Variants in SFXN4 observed in about 807,000 individuals in gnomAD.
SFXN4 encodes sideroflexin-4.
In SFXN4, 48 loss-of-function variants were observed where a neutral mutation model predicts 54.6. The observed-to-expected ratio is 0.88, with a 90% CI of 0.70 to 1.12. The LOEUF (loss-of-function observed/expected upper bound fraction) is 1.12. Among genes scored for constraint, SFXN4 ranks in the 50% most tolerant of loss-of-function variants. The pLI, the probability that SFXN4 is intolerant of heterozygous loss-of-function variation, is 0.00. For synonymous variants in SFXN4, 130 were observed against 145.5 expected (o/e 0.89, Z 0.77); for missense variants, 383 against 409.2 (o/e 0.94, Z 0.55).
Position 119,141,320 on chromosome 10 carries a change from C to G in SFXN4, c.937-1G>C. 1 of 1,549,814 alleles carries G rather than the reference C, an allele frequency of 6.5e-7. No homozygotes were observed. Among genetic ancestry groups the G allele is most frequent in the Non-Finnish European group, 8.8e-7 (1 of 1,134,204 alleles). On this transcript the variant is annotated splice_acceptor_variant, in intron 13 of 13. Coordinates refer to ENST00000355697, the MANE Select transcript of SFXN4 (RefSeq NM_213649.2). LOFTEE classifies it high-confidence loss of function. ...TCTCTTCAAGACTACAGTACTGTAT[C>G]TGAAAAATAGTTAAATTCATAATGT...
chr10:119,160,333 C>T (rs1265642951), intron 5 of SFXN4, among the ~76,000 whole-genome samples: 1 of 151,906 alleles, frequency 6.6e-6, no homozygotes, highest in Non-Finnish European at 1.5e-5. Flanking sequence ...TAGTGAAACC[C>T]TGTCTCTACT....
At chr10:119,157,571 A>T (rs1229514125) in intron 9 of SFXN4, 97 bp downstream of exon 9, 1 of 985,608 alleles carries the variant, frequency 1.0e-6, no homozygotes, top group East Asian at 2.5e-5. Context: ...TATTTTCTAA[A>T]TTGTTTAAAT....
At chr10:119,155,541 G>A (rs1017161351) in intron 10 of SFXN4, among the ~76,000 whole-genome samples, 4 of 152,080 alleles carry the variant, frequency 2.6e-5, no homozygotes, top group African/African-American at 9.7e-5. Flanking sequence ...TGCCCAGGCT[G>A]GAGTGCAATG....
intron 2 of SFXN4, 74 bp from the exon 3 acceptor site, chr10:119,162,488 C>T: frequency 7.9e-7 from 1 of 1,258,552 alleles, no homozygotes; most frequent in Non-Finnish European, 1.2e-6. Context: ...TAGGAATCAC[C>T]AGCTCACTCA....
rs1564821758 is a variant in SFXN4, at chr10:119,155,089, C to G, written c.705G>C (p.Leu235=). 1 of 1,614,002 alleles carries G rather than the reference C, an allele frequency of 6.2e-7. No individual in the cohort carries two copies. The stretch of plus-strand genomic sequence containing the variant: ...TTGTCCCAGCAATTCTGGAATGACC[C>G]AGGACATTGCCTTCCTTGTCCATGA... The part of the protein sequence containing the change: ...IAVMDKEGNV[L]GHSRIAGTKA... The change falls in exon 11 of 14, where the codon CTG becomes CTC. Residue 235 remains leucine (L), a synonymous_variant. Coordinates refer to ENST00000355697, the MANE Select transcript of SFXN4 (RefSeq NM_213649.2).
chr10:119,147,522 A>G (rs1337592380), intron 12 of SFXN4, among the ~76,000 whole-genome samples: 1 of 152,202 alleles, frequency 6.6e-6, no homozygotes, highest in Non-Finnish European at 1.5e-5. Flanking sequence ...ATGGCCGTGG[A>G]AGGTCCTTCG....
intron 13 of SFXN4, 135 bp downstream of exon 13, chr10:119,146,101 C>A (rs1348610507): frequency 1.8e-6 from 1 of 543,328 alleles, no homozygotes; most frequent in East Asian, 3.4e-5. Context: ...GCTGGGATTA[C>A]AGGTGTGAGC....
intron 11 of SFXN4, among the ~76,000 whole-genome samples, chr10:119,149,840 G>A (rs1846982113): frequency 6.6e-6 from 1 of 152,228 alleles, no homozygotes; most frequent in African/African-American, 2.4e-5. Context: ...AGTGTGCTGT[G>A]TGTCCACATC....
chr10:119,163,075 G>C (rs1325278625), intron 2 of SFXN4, among the ~76,000 whole-genome samples: 1 of 152,088 alleles, frequency 6.6e-6, no homozygotes, highest in Non-Finnish European at 1.5e-5. Context: ...TGGGATTATA[G>C]ACATGAGCCA....
In SFXN4 at chr10:119,158,615, C is replaced by CAA. The variant is rs35982987; in HGVS notation, c.361-555_361-554dup. Among the ~76,000 whole-genome samples the CAA allele has an allele frequency of 5.8e-3, 379 of 65,224 alleles. 4 individuals are homozygous for CAA. The highest frequency in any genetic ancestry group is 0.012 in the African/African-American group (165 of 14,136). 42.8% of individuals were successfully genotyped at this position (65,224 alleles called of 152,430 possible). ...TGGGAGACAGAGCAAGACTCCGTCTCAAAAAAAAAAAAAAAAAAAAAAAAA... is the reference window on the plus strand; with the variant it reads ...TGGGAGACAGAGCAAGACTCCGTCTCAAAAAAAAAAAAAAAAAAAAAAAAAAA... On this transcript the variant is annotated intron_variant, in intron 6 of 13. Coordinates refer to ENST00000355697, the MANE Select transcript of SFXN4 (RefSeq NM_213649.2).
At chr10:119,147,668 G>T in intron 12 of SFXN4, 107 bp downstream of exon 12, 1 of 873,426 alleles carries the variant, frequency 1.1e-6, no homozygotes, top group Non-Finnish European at 1.9e-6. Context: ...TTATGGGAAG[G>T]TTACTGAGCC....
chr10:119,149,089 G>A (rs35871903), intron 11 of SFXN4, among the ~76,000 whole-genome samples: 44,734 of 151,916 alleles, frequency 0.29, 7,345 homozygotes, highest in South Asian at 0.39. Flanking sequence ...ATCTCACTAT[G>A]TTGCCCAAGC....
chr10:119,141,079 A>C lies in SFXN4; in HGVS notation c.*163T>G, dbSNP rs564134430. 4 of 547,720 alleles carry C rather than the reference A, an allele frequency of 7.3e-6. No individual in the cohort carries two copies. The East Asian group carries it at 1.2e-4, about 17-fold the overall frequency. 33.9% of individuals were successfully genotyped at this position (547,720 alleles called of 1,614,324 possible). ...CTCCAGCCAGCCTTAAAAACCCCAG[A>C]GACGCCAGCCTGGGAACGATCTCAG... On this transcript the variant is annotated 3_prime_UTR_variant, in exon 14 of 14. Coordinates refer to ENST00000355697, the MANE Select transcript of SFXN4 (RefSeq NM_213649.2).
chr10:119,163,478 A>T (rs1229487337), intron 2 of SFXN4, among the ~76,000 whole-genome samples: 1 of 151,800 alleles, frequency 6.6e-6, no homozygotes, highest in Non-Finnish European at 1.5e-5. Flanking sequence ...GCTCACTGCA[A>T]CCTCCACCTC....
At chr10:119,142,770 C>T (rs1401500606) in intron 13 of SFXN4, among the ~76,000 whole-genome samples, 3 of 135,460 alleles carry the variant, frequency 2.2e-5, no homozygotes, top group Admixed American at 8.4e-5. Context: ...CTTGCTCTGT[C>T]GCCCAGACTG....
chr10:119,153,457 A>C (rs972760560), intron 11 of SFXN4, among the ~76,000 whole-genome samples: 1 of 152,104 alleles, frequency 6.6e-6, no homozygotes, highest in Admixed American at 6.6e-5. Flanking sequence ...AGAAGAAACT[A>C]ATAGTAAAAA....
At position 119,157,704 on chromosome 10, in the gene SFXN4, T is replaced by C; in HGVS notation, c.501A>G (p.Leu167=). The C allele has an allele frequency of 1.2e-6, 2 of 1,608,836 alleles. No individual in the cohort carries two copies. The highest frequency in any genetic ancestry group is 2.2e-5 in the East Asian group (1 of 44,822). ...YTCKPLERSL[L]MAGAVASSTF... is the part of the protein sequence containing the mutation. ...TTGAAGAAGCAACGGCTCCCGCCAT[T>C]AGTAATGATCTTTCTAGTGGCTTAC... is the stretch of plus-strand genomic sequence containing the variant. Residue 167 remains leucine (L), a synonymous_variant, in exon 9 of 14, where the codon CTA becomes CTG. Transcript: ENST00000355697.
At chr10:119,142,992 A>G (rs1846615449) in intron 13 of SFXN4, among the ~76,000 whole-genome samples, 2 of 151,938 alleles carry the variant, frequency 1.3e-5, no homozygotes, top group Non-Finnish European at 2.9e-5. Flanking sequence ...TCGGCCTCCC[A>G]AAGTGCTGGG....
At chr10:119,148,514 C>T (rs1846916404) in intron 11 of SFXN4, among the ~76,000 whole-genome samples, 1 of 152,116 alleles carries the variant, frequency 6.6e-6, no homozygotes, top group Non-Finnish European at 1.5e-5. Flanking sequence ...CCATCCAAGC[C>T]AAGTCTCTGC....
Sources: allele counts gnomAD v4.1 joint callset (sites outside exome capture counted in the v4.1 genomes callset), GRCh38; gene constraint gnomAD v4.1.1; transcripts MANE v1.5; gene names NCBI Gene and HGNC (gene_info 2026-07-23, HGNC 2026-07-21).